Variants in FILIP1 observed in about 807,000 individuals in gnomAD.
FILIP1 encodes the protein filamin-A-interacting protein 1.
Under a neutral mutation model 102.1 loss-of-function variants are expected in FILIP1, and 61 were observed. That is an observed-to-expected ratio of 0.60 (90% CI 0.49 to 0.74). The LOEUF is 0.74. FILIP1 is among the 30% of genes least tolerant of loss of function. FILIP1 has a pLI of 0.00. For synonymous variants in FILIP1, 491 were observed against 526.9 expected (o/e 0.93, Z 0.93); for missense variants, 1,314 against 1,441.2 (o/e 0.91, Z 1.43).
chr6:75,363,562 G>A (rs1775236394), intron 2 of FILIP1, among the ~76,000 whole-genome samples: 1 of 152,146 alleles, frequency 6.6e-6, no homozygotes, highest in Non-Finnish European at 1.5e-5. Flanking sequence ...GAGTCAGCTT[G>A]GTAGGTCAGA....
chr6:75,376,890 A>C (rs1002030285), intron 2 of FILIP1, among the ~76,000 whole-genome samples: 7 of 152,150 alleles, frequency 4.6e-5, no homozygotes, highest in Non-Finnish European at 1.0e-4. Flanking sequence ...CCCTAATTCA[A>C]AAATTTGGAC....
chr6:75,473,976 T>G (rs1779404579), intron 1 of FILIP1: 2 of 152,238 alleles, frequency 1.3e-5, no homozygotes, highest in Admixed American at 1.3e-4. Context: ...ATTTTGAGTT[T>G]AAATAGAGTA....
chr6:75,317,788 G>A (rs1773493860), intron 4 of FILIP1, among the ~76,000 whole-genome samples: 1 of 152,136 alleles, frequency 6.6e-6, no homozygotes, highest in Non-Finnish European at 1.5e-5. Flanking sequence ...TGGCTCTACA[G>A]AAATACCAGG....
At position 75,414,939 on chromosome 6, in the gene FILIP1, A is replaced by T; in HGVS notation, c.34T>A (p.Ser12Thr). 4 of 1,613,776 alleles carry T rather than the reference A, an allele frequency of 2.5e-6. No homozygotes were observed. The highest frequency in any genetic ancestry group is 3.4e-6 in the Non-Finnish European group (4 of 1,179,792). The change falls in exon 2 of 6, where the codon TCT (serine) becomes ACT (threonine). Residue 12 changes from serine (S) to threonine (T), a missense_variant. This residue lies in a region of FILIP1 where 494 missense variants were observed against 511.2 expected (regional missense o/e 0.97). Coordinates refer to ENST00000237172, the MANE Select transcript of FILIP1 (RefSeq NM_015687.5). ...RSRNQGGESA[S>T]DGHISCPKPS... ...TTGGGACAGGAGATATGCCCATCAG[A>T]TGCACTTTCACCACCTTGGTTTCGA...
At chr6:75,391,477 C>T (rs915191375) in intron 2 of FILIP1, among the ~76,000 whole-genome samples, 1 of 152,136 alleles carries the variant, frequency 6.6e-6, no homozygotes, top group South Asian at 2.1e-4. Flanking sequence ...CCCTGACTCA[C>T]CAAGAAAATT....
intron 2 of FILIP1, among the ~76,000 whole-genome samples, chr6:75,368,650 A>G (rs2149621102): frequency 6.6e-6 from 1 of 152,302 alleles, no homozygotes; most frequent in Admixed American, 6.5e-5. Context: ...CTCATAATGA[A>G]TACTTGAGCC....
chr6:75,409,279 A>T (rs1776975732), intron 2 of FILIP1, among the ~76,000 whole-genome samples: 1 of 152,214 alleles, frequency 6.6e-6, no homozygotes. Context: ...CACAAAACTC[A>T]TATGTGAGTT....
chr6:75,373,871 T>C (rs1775659987), intron 2 of FILIP1, among the ~76,000 whole-genome samples: 1 of 152,056 alleles, frequency 6.6e-6, no homozygotes, highest in African/African-American at 2.4e-5. Flanking sequence ...TAGCCAGGTG[T>C]GGTGGCCTGT....
chr6:75,406,448 T>C (rs2149677841), intron 2 of FILIP1, among the ~76,000 whole-genome samples: 1 of 152,288 alleles, frequency 6.6e-6, no homozygotes, highest in South Asian at 2.1e-4. Context: ...CCCTCCTTTG[T>C]ATTCCTGTAA....
intron 3 of FILIP1, 60 bp from the exon 4 acceptor site, chr6:75,353,777 A>G: frequency 6.4e-7 from 1 of 1,552,190 alleles, no homozygotes. Flanking sequence ...AGGACTCTAA[A>G]TAATTTGTTG....
Position 75,308,750 on chromosome 6 carries a change from T to C in FILIP1, c.3583A>G (p.Ile1195Val). ...EPRAETQSMK[I>V]ELKKSAASST... ...CTGGCTGCAGATTTCTTCAGCTCTA[T>C]TTTCATAGACTGAGTCTCAGCTCGA... The change falls in exon 6 of 6, where the codon ATA (isoleucine) becomes GTA (valine). Residue 1195 changes from isoleucine to valine, a missense_variant. Physicochemically the swap from Ile to Val is conservative, Grantham distance 29 (BLOSUM62 3). Coordinates refer to ENST00000237172, the MANE Select transcript of FILIP1 (RefSeq NM_015687.5). 1 of 1,614,020 alleles carries C rather than the reference T, an allele frequency of 6.2e-7. No individual in the cohort carries two copies. Among genetic ancestry groups the C allele is most frequent in the Non-Finnish European group, 8.5e-7 (1 of 1,180,008 alleles).
intron 4 of FILIP1, among the ~76,000 whole-genome samples, chr6:75,335,460 G>T (rs1774210525): frequency 6.6e-6 from 1 of 151,666 alleles, no homozygotes; most frequent in African/African-American, 2.4e-5. Context: ...CCTCTTCTCT[G>T]TTTTTTCTTT....
At chr6:75,439,573 A>C (rs1249949753) in intron 1 of FILIP1, among the ~76,000 whole-genome samples, 1 of 152,252 alleles carries the variant, frequency 6.6e-6, no homozygotes, top group Non-Finnish European at 1.5e-5. Flanking sequence ...TCACTCCTTG[A>C]GATGAATCAA....
chr6:75,447,115 G>T (rs547610734), intron 1 of FILIP1, among the ~76,000 whole-genome samples: 2 of 152,184 alleles, frequency 1.3e-5, no homozygotes, highest in South Asian at 4.1e-4. Flanking sequence ...CATAAGGATG[G>T]TATGAACAAC....
chr6:75,387,390 C>T (rs922969836), intron 2 of FILIP1, among the ~76,000 whole-genome samples: 2 of 152,056 alleles, frequency 1.3e-5, no homozygotes, highest in African/African-American at 2.4e-5. Context: ...ATTTATAATC[C>T]TTTGGGTATA....
chr6:75,363,844 GAAA>G (rs759301517), intron 2 of FILIP1, among the ~76,000 whole-genome samples: 2 of 152,144 alleles, frequency 1.3e-5, no homozygotes, highest in African/African-American at 2.4e-5. Flanking sequence ...TTATACTAAA[GAAA>G]AAGCTGGTTG....
At chr6:75,405,525 C>T (rs542614084) in intron 2 of FILIP1, among the ~76,000 whole-genome samples, 16 of 152,214 alleles carry the variant, frequency 1.1e-4, no homozygotes, top group African/African-American at 2.4e-4. Flanking sequence ...ATAAAGTTTC[C>T]GTGCTGCAAA....
chr6:75,373,655 TAAGAA>T (rs910774952), intron 2 of FILIP1, among the ~76,000 whole-genome samples: 2 of 151,164 alleles, frequency 1.3e-5, no homozygotes, highest in Non-Finnish European at 2.9e-5. Context: ...AAAAATCAAC[TAAGAA>T]AAGAAAATTA....
intron 6 of FILIP1, among the ~76,000 whole-genome samples, chr6:75,298,899 C>G (rs1772758764): frequency 6.6e-6 from 1 of 151,862 alleles, no homozygotes; most frequent in South Asian, 2.1e-4. Flanking sequence ...GCCTAGGCAA[C>G]AGAGAGAGAC....
Sources: allele counts gnomAD v4.1 joint callset (sites outside exome capture counted in the v4.1 genomes callset), GRCh38; gene constraint gnomAD v4.1.1; regional missense constraint gnomAD v4.1.1; transcripts MANE v1.5; gene names NCBI Gene and HGNC (gene_info 2026-07-23, HGNC 2026-07-21).